LIPH: variants seen among roughly 807,000 people sequenced by gnomAD.
LIPH encodes lipase H.
In LIPH, 32 loss-of-function variants were observed where a neutral mutation model predicts 47.6. The observed-to-expected ratio is 0.67, with a 90% CI of 0.51 to 0.90. The LOEUF (loss-of-function observed/expected upper bound fraction) is 0.90, where lower values mean the gene tolerates loss of function less well. Ranked by LOEUF, LIPH falls within the 40% of genes least tolerant of loss-of-function variation. The probability of loss-of-function intolerance (pLI) is 0.00; values close to 1 mark genes in which losing one functional copy is unlikely to be tolerated. For synonymous variants in LIPH, 190 were observed against 195.6 expected (o/e 0.97, Z 0.24); for missense variants, 497 against 541.4 (o/e 0.92, Z 0.81).
At chr3:185,519,836 C>CAAAAAAAAAAAAA (rs145391972) in intron 5 of LIPH, among the ~76,000 whole-genome samples, 2 of 53,788 alleles carry the variant, frequency 3.7e-5, no homozygotes, top group African/African-American at 8.2e-5. Flanking sequence ...CACTCCATCT[C>CAAAAAAAAAAAAA]AAAAAAAAAA....
intron 1 of LIPH, among the ~76,000 whole-genome samples, chr3:185,538,532 A>G (rs1720572122): frequency 6.6e-6 from 1 of 152,178 alleles, no homozygotes; most frequent in South Asian, 2.1e-4. Flanking sequence ...TTCAAAGAAT[A>G]AAAACATAAC....
At chr3:185,511,064 A>T (rs892782482) in intron 9 of LIPH, among the ~76,000 whole-genome samples, 1 of 151,864 alleles carries the variant, frequency 6.6e-6, no homozygotes, top group Non-Finnish European at 1.5e-5. Flanking sequence ...TTTTTATTTA[A>T]TTTTTTGTTT....
At chr3:185,528,357 A>AGAAAGAAAGAAG (rs1720194852) in intron 3 of LIPH, among the ~76,000 whole-genome samples, 1 of 151,628 alleles carries the variant, frequency 6.6e-6, no homozygotes, top group Non-Finnish European at 1.5e-5. Flanking sequence ...AAAGAAAGAA[A>AGAAAGAAAGAAG]GCGCTATACT....
At chr3:185,510,461 A>C (rs1195272755) in intron 9 of LIPH, among the ~76,000 whole-genome samples, 2 of 152,124 alleles carry the variant, frequency 1.3e-5, no homozygotes, top group African/African-American at 4.8e-5. Flanking sequence ...CTCCCCAAAC[A>C]TACATTGTTT....
chr3:185,550,354 G>A (rs545369108), intron 1 of LIPH, among the ~76,000 whole-genome samples: 1 of 152,198 alleles, frequency 6.6e-6, no homozygotes, highest in East Asian at 1.9e-4. Flanking sequence ...CTATCATGCA[G>A]CAGTGACAGT....
At chr3:185,551,102 AG>A (rs1721035812) in intron 1 of LIPH, among the ~76,000 whole-genome samples, 1 of 152,080 alleles carries the variant, frequency 6.6e-6, no homozygotes. Context: ...TGAACCAGGG[AG>A]GGGGAGGTTG....
chr3:185,549,155 G>T (rs1159278211), intron 1 of LIPH, among the ~76,000 whole-genome samples: 1 of 149,402 alleles, frequency 6.7e-6, no homozygotes, highest in Admixed American at 6.7e-5. Context: ...GAAAATATTT[G>T]TTTCTTTTTT....
chr3:185,547,861 A>C (rs1437426714), intron 1 of LIPH, among the ~76,000 whole-genome samples: 1 of 151,920 alleles, frequency 6.6e-6, no homozygotes, highest in East Asian at 1.9e-4. Context: ...GAAAGAAAGT[A>C]TTTACTGAGA....
intron 7 of LIPH, 50 bp from the exon 8 acceptor site, chr3:185,514,571 C>G (rs776651516): frequency 8.8e-6 from 7 of 798,556 alleles, no homozygotes; most frequent in Non-Finnish European, 1.6e-5. Context: ...ACCAACTGAT[C>G]CCCTGAAGGG....
At position 185,551,189 on chromosome 3, in the gene LIPH, A is replaced by T. The variant is rs79494655; in HGVS notation, c.49+1234T>A. Among the ~76,000 whole-genome samples, 883 of 152,296 alleles carry T rather than the reference A, an allele frequency of 5.8e-3. 6 individuals carry two copies. Among genetic ancestry groups the T allele is most frequent in the African/African-American group, 0.02 (821 of 41,574 alleles). ...ACTCCATCTCAAAAACAAACAAAAA[A>T]AATAATAAACATATACTTTAAAATA... On this transcript the variant is annotated intron_variant, in intron 1 of 9. Coordinates refer to ENST00000296252, the MANE Select transcript of LIPH (RefSeq NM_139248.3).
intron 9 of LIPH, among the ~76,000 whole-genome samples, chr3:185,511,309 C>G (rs1486122499): frequency 6.6e-6 from 1 of 151,948 alleles, no homozygotes; most frequent in Non-Finnish European, 1.5e-5. Flanking sequence ...AAGCAATCCT[C>G]CCAGCTTGGC....
rs774469733 is a variant in LIPH, at chr3:185,534,872, C to G, written c.310G>C (p.Val104Leu). The G allele has an allele frequency of 6.2e-7, 1 of 1,614,204 alleles. No homozygotes were observed. The highest frequency in any genetic ancestry group is 1.1e-5 in the South Asian group (1 of 91,090). Residue 104 changes from valine (V) to leucine (L), a missense_variant, in exon 2 of 10, where the codon GTT (valine) becomes CTT (leucine). Physicochemically the swap from Val to Leu is conservative, Grantham distance 32. Coordinates refer to ENST00000296252, the MANE Select transcript of LIPH (RefSeq NM_139248.3). ...GLLSVEDMNVVVVDWNRGATT... is the reference protein window; with the variant it reads ...GLLSVEDMNVLVVDWNRGATT... ...GCTCCTCGATTCCAATCAACAACAACTACGTTCATGTCTTCAACAGAGAGC... is the reference window on the plus strand; with the variant it reads ...GCTCCTCGATTCCAATCAACAACAAGTACGTTCATGTCTTCAACAGAGAGC...
At chr3:185,538,928 CATATATACAT>C (rs1244134613) in intron 1 of LIPH, among the ~76,000 whole-genome samples, 37 of 144,612 alleles carry the variant, frequency 2.6e-4, no homozygotes, top group Non-Finnish European at 3.3e-4. Flanking sequence ...CACATATACA[CATATATACAT>C]ATATATACAT....
intron 2 of LIPH, among the ~76,000 whole-genome samples, chr3:185,534,352 C>T (rs1720435278): frequency 6.7e-6 from 1 of 149,028 alleles, no homozygotes; most frequent in Non-Finnish European, 1.5e-5. Flanking sequence ...GAGATTCCGT[C>T]TCAAAAAAAA....
At chr3:185,539,577 G>A (rs887229515) in intron 1 of LIPH, among the ~76,000 whole-genome samples, 2 of 151,098 alleles carry the variant, frequency 1.3e-5, no homozygotes, top group African/African-American at 4.9e-5. Flanking sequence ...CACCTTGTTG[G>A]CCAGGCTGGT....
intron 3 of LIPH, among the ~76,000 whole-genome samples, chr3:185,528,308 G>GAAGAAAGAAAGAAGAAAGA (rs1295313402): frequency 2.4e-5 from 1 of 41,776 alleles, no homozygotes; most frequent in South Asian, 8.2e-4. Flanking sequence ...TTTAGATGAG[G>GAAGAAAGAAAGAAGAAAGA]AAGAAAGAAA....
chr3:185,533,820 A>G lies in LIPH; in HGVS notation c.418-141T>C, dbSNP rs1032436789. ...ATCTCATTTAAAAGTCACAACATCC[A>G]TGCAAAGTAAATACTATTCTTTTGA... On this transcript the variant is annotated intron_variant, in intron 2 of 9. Coordinates refer to ENST00000296252, the MANE Select transcript of LIPH (RefSeq NM_139248.3). The G allele has an allele frequency of 1.6e-5, 10 of 640,890 alleles. No individual in the cohort carries two copies. The African/African-American group carries it at 1.8e-4, about 12-fold the overall frequency. 39.7% of individuals were successfully genotyped at this position (640,890 alleles called of 1,614,324 possible).
intron 4 of LIPH, among the ~76,000 whole-genome samples, chr3:185,526,651 T>TAA (rs869187392): frequency 8.4e-6 from 1 of 119,460 alleles, no homozygotes; most frequent in African/African-American, 3.1e-5. Flanking sequence ...TAAAATAAAA[T>TAA]AAAATAAAAA....
rs954339793 is a variant in LIPH, at chr3:185,533,490, G to T, written c.526+81C>A. The T allele has an allele frequency of 2.7e-5, 24 of 889,610 alleles. No individual in the cohort carries two copies. In the South Asian group the frequency reaches 3.0e-4, roughly 11 times the overall value. 55.1% of individuals were successfully genotyped at this position (889,610 alleles called of 1,614,324 possible). On this transcript the variant is annotated intron_variant, in intron 3 of 9. Coordinates refer to ENST00000296252, the MANE Select transcript of LIPH (RefSeq NM_139248.3). Reference sequence around the variant, plus strand: ...AATTGGAGCTGGCTTTGAACCCAAGGAGTTGGATTGGCCTACATAATACTC... The same window carrying T: ...AATTGGAGCTGGCTTTGAACCCAAGTAGTTGGATTGGCCTACATAATACTC...
Sources: gnomAD v4.1 joint callset for allele counts (sites outside exome capture counted in the v4.1 genomes callset) on GRCh38, gnomAD v4.1.1 for gene constraint, MANE v1.5 for transcripts, NCBI Gene and HGNC (gene_info 2026-07-23, HGNC 2026-07-21) for gene names.